Variants in INTS7 observed in about 807,000 individuals in gnomAD.
The protein encoded by INTS7 is chromosome 1 open reading frame 73.
Under a neutral mutation model 109.2 loss-of-function variants are expected in INTS7, and 46 were observed. That is an observed-to-expected ratio of 0.42 (90% CI 0.33 to 0.54). INTS7 has a LOEUF of 0.54. Ranked by LOEUF, INTS7 falls within the 20% of genes least tolerant of loss-of-function variation. The probability of loss-of-function intolerance (pLI) is 0.07; values close to 1 mark genes in which losing one functional copy is unlikely to be tolerated. For missense variants in INTS7, 929 were observed against 1,132.4 expected, an observed-to-expected ratio of 0.82 and a Z score of 2.58; for synonymous variants, 412 against 402.9, an observed-to-expected ratio of 1.02 and a Z score of -0.27.
intron 16 of INTS7, among the ~76,000 whole-genome samples, chr1:211,963,795 T>C (rs1187381302): frequency 6.6e-6 from 1 of 151,548 alleles, no homozygotes; most frequent in Non-Finnish European, 1.5e-5. Flanking sequence ...TATCCCATTA[T>C]ATTAAAAAAA....
At chr1:211,948,843 G>C (rs1406875536) in intron 17 of INTS7, among the ~76,000 whole-genome samples, 3 of 152,198 alleles carry the variant, frequency 2.0e-5, no homozygotes, top group Admixed American at 2.0e-4. Context: ...GAGTAGCTGG[G>C]ATTACAGGCA....
At chr1:212,031,510 C>A (rs1397596207) in intron 1 of INTS7, among the ~76,000 whole-genome samples, 1 of 152,226 alleles carries the variant, frequency 6.6e-6, no homozygotes, top group Non-Finnish European at 1.5e-5. Flanking sequence ...CATCAGCCTA[C>A]AACTTTCAAT....
chr1:212,030,100 A>C (rs1417854410), intron 1 of INTS7, among the ~76,000 whole-genome samples: 1 of 152,224 alleles, frequency 6.6e-6, no homozygotes, highest in Non-Finnish European at 1.5e-5. Flanking sequence ...AGGAATATTT[A>C]ATAACCCACT....
rs1662624829 is a variant in INTS7, at chr1:211,941,469, T to C, written c.*355A>G. Reference sequence around the variant, plus strand: ...GCCTCCCAGGTTCACACCATTCTCCTGCCTCAGCCTCCCAAGTAGCTGGGA... The same window carrying C: ...GCCTCCCAGGTTCACACCATTCTCCCGCCTCAGCCTCCCAAGTAGCTGGGA... On this transcript the variant is annotated 3_prime_UTR_variant, in exon 20 of 20. Transcript: ENST00000366994. The C allele has an allele frequency of 4.8e-6, 1 of 208,072 alleles. No homozygotes were observed. The highest frequency in any genetic ancestry group is 9.6e-6 in the Non-Finnish European group (1 of 103,872). The allele number at this position is 208,072 out of a possible 1,614,324, so 12.9% of individuals were successfully genotyped here.
chr1:211,976,737 G>A lies in INTS7; in HGVS notation c.1471-18C>T. ...AAACTCACCTAACATTGGGCAAGAA[G>A]AAAACCAAGAAAATCATTTAATTTT... On this transcript the variant is annotated intron_variant, in intron 11 of 19. Coordinates refer to ENST00000366994, the MANE Select transcript of INTS7 (RefSeq NM_015434.4). The A allele has an allele frequency of 2.5e-6, 4 of 1,612,858 alleles. No homozygotes were observed. Among genetic ancestry groups the A allele is most frequent in the Non-Finnish European group, 3.4e-6 (4 of 1,179,052 alleles).
intron 7 of INTS7, among the ~76,000 whole-genome samples, chr1:211,995,482 T>C (rs1571886303): frequency 1.3e-5 from 2 of 152,066 alleles, no homozygotes; most frequent in Non-Finnish European, 2.9e-5. Flanking sequence ...GATAATAAAA[T>C]TGGCAAAGAC....
chr1:211,969,145 C>T (rs1428436875), intron 13 of INTS7, among the ~76,000 whole-genome samples: 2 of 151,912 alleles, frequency 1.3e-5, no homozygotes, highest in Admixed American at 1.3e-4. Flanking sequence ...ATTAGCTGGG[C>T]GTTGTGGCGG....
intron 7 of INTS7, among the ~76,000 whole-genome samples, chr1:211,992,513 C>G (rs975692354): frequency 6.6e-6 from 1 of 151,986 alleles, no homozygotes; most frequent in African/African-American, 2.4e-5. Flanking sequence ...GGTCCCATCT[C>G]TACTAAAAAT....
chr1:212,035,007 T>G (rs1451015274), intron 1 of INTS7, among the ~76,000 whole-genome samples: 1 of 152,258 alleles, frequency 6.6e-6, no homozygotes, highest in Non-Finnish European at 1.5e-5. Context: ...CTGAACAGAC[T>G]GAAAACCAAT....
chr1:212,003,749 T>A (rs983665002), intron 7 of INTS7, among the ~76,000 whole-genome samples: 7 of 152,206 alleles, frequency 4.6e-5, no homozygotes, highest in African/African-American at 1.7e-4. Flanking sequence ...CAGAATTAAC[T>A]TTAGACTGAT....
At position 212,021,160 on chromosome 1, in the gene INTS7, G is replaced by T. The variant is rs1406324962; in HGVS notation, c.147C>A (p.Pro49=). The change falls in exon 2 of 20, where the codon CCC becomes CCA. Residue 49 remains proline, a synonymous_variant. Transcript: ENST00000366994. The stretch of plus-strand genomic sequence containing the variant: ...GGAATGGATACTTCTGAAAAAGTCT[G>T]GGAAAGCGAACAACTGCTTCACACT... ...GEQCEAVVRF[P]RLFQKYPFPI... The T allele has an allele frequency of 2.5e-6, 4 of 1,613,030 alleles. No individual in the cohort carries two copies. The Admixed American group carries it at 6.7e-5, about 27-fold the overall frequency.
intron 11 of INTS7, 98 bp downstream of exon 11, chr1:211,978,174 G>GT: frequency 7.2e-7 from 1 of 1,397,654 alleles, no homozygotes; most frequent in East Asian, 2.3e-5. Flanking sequence ...TGTTTGTTCT[G>GT]TTTTTTAAGT....
Position 212,020,181 on chromosome 1 carries a change from CA to C in INTS7, c.311del (p.Val104GlyfsTer7). ...TATGAATCACAGAAAAAATTCTCTT[CA>C]CAAATTCATCCACATTTAGAATCTT... ...LEKILNVDEF[V>X]KRIFSVIHSN... On this transcript the variant is annotated frameshift_variant, in exon 3 of 20. Transcript: ENST00000366994. LOFTEE classifies it high-confidence loss of function. The C allele has an allele frequency of 6.2e-7, 1 of 1,610,040 alleles. No individual in the cohort carries two copies. The highest frequency in any genetic ancestry group is 8.5e-7 in the Non-Finnish European group (1 of 1,177,202).
chr1:211,996,919 T>C (rs899391843), intron 7 of INTS7, among the ~76,000 whole-genome samples: 8 of 151,948 alleles, frequency 5.3e-5, no homozygotes, highest in African/African-American at 2.4e-5. Context: ...AGCTCCTTGG[T>C]AGGTTGAAGT....
chr1:212,020,954 A>G (rs1484613111), intron 2 of INTS7, 129 bp downstream of exon 2: 2 of 842,148 alleles, frequency 2.4e-6, no homozygotes, highest in Non-Finnish European at 3.7e-6. Context: ...TGCTGCACAC[A>G]GTCATGTGTG....
chr1:211,996,845 C>T (rs542137509), intron 7 of INTS7, among the ~76,000 whole-genome samples: 1 of 151,796 alleles, frequency 6.6e-6, no homozygotes, highest in Non-Finnish European at 1.5e-5. Context: ...GACAAAATAG[C>T]GAGATCTCAC....
At chr1:212,020,647 G>C (rs1363233920) in intron 2 of INTS7, 4 of 634,144 alleles carry the variant, frequency 6.3e-6, no homozygotes, top group Non-Finnish European at 7.9e-6. Context: ...CGAGTGCATG[G>C]AGAATGGCAG....
chr1:211,958,009 A>G (rs546664025), intron 16 of INTS7, among the ~76,000 whole-genome samples: 3 of 152,030 alleles, frequency 2.0e-5, no homozygotes, highest in South Asian at 2.1e-4. Context: ...TTTTACTTCT[A>G]TATGTTAAAA....
intron 4 of INTS7, among the ~76,000 whole-genome samples, chr1:212,015,512 A>G (rs1666385702): frequency 6.6e-6 from 1 of 151,880 alleles, no homozygotes; most frequent in Non-Finnish European, 1.5e-5. Flanking sequence ...AAGGCAGCAT[A>G]CTCGTTAAGA....
Sources: gnomAD v4.1 joint callset for allele counts (sites outside exome capture counted in the v4.1 genomes callset) on GRCh38, gnomAD v4.1.1 for gene constraint, MANE v1.5 for transcripts, NCBI Gene and HGNC (gene_info 2026-07-23, HGNC 2026-07-21) for gene names.